The following KIAA1549L variants were observed in gnomAD, a reference collection of about 807,000 sequenced individuals.
KIAA1549L encodes the protein UPF0606 protein KIAA1549L.
Under a neutral mutation model 160.7 loss-of-function variants are expected in KIAA1549L, and 88 were observed. That is an observed-to-expected ratio of 0.55 (90% CI 0.46 to 0.65). The LOEUF (loss-of-function observed/expected upper bound fraction) is 0.65, where lower values mean the gene tolerates loss of function less well. Ranked by LOEUF, KIAA1549L falls within the 30% of genes least tolerant of loss-of-function variation. The pLI, the probability that KIAA1549L is intolerant of heterozygous loss-of-function variation, is 0.00. For synonymous variants in KIAA1549L, 950 were observed against 976.7 expected (o/e 0.97, Z 0.51); for missense variants, 2,258 against 2,437.5 (o/e 0.93, Z 1.55).
intron 1 of KIAA1549L, among the ~76,000 whole-genome samples, chr11:33,535,543 G>A (rs763943306): frequency 7.9e-5 from 12 of 152,128 alleles, no homozygotes; most frequent in Non-Finnish European, 1.2e-4. Flanking sequence ...TTGGTGGTGC[G>A]TGCCTGTCGT....
intron 20 of KIAA1549L, chr11:33,665,152 G>C (rs940524050): frequency 6.6e-5 from 10 of 152,316 alleles, no homozygotes; most frequent in African/African-American, 2.4e-4. Flanking sequence ...TGTGGCCGGT[G>C]GTGCTTTTGC....
intron 3 of KIAA1549L, among the ~76,000 whole-genome samples, chr11:33,545,707 C>T (rs896296866): frequency 1.3e-5 from 2 of 152,182 alleles, no homozygotes; most frequent in East Asian, 3.8e-4. Context: ...GAGAGAGGGC[C>T]TGATGTGGCA....
chr11:33,411,687 C>A (rs1367544535), intron 1 of KIAA1549L, among the ~76,000 whole-genome samples: 1 of 152,174 alleles, frequency 6.6e-6, no homozygotes, highest in East Asian at 1.9e-4. Flanking sequence ...TTGATGTAGT[C>A]TTTCTTTGAA....
intron 1 of KIAA1549L, among the ~76,000 whole-genome samples, chr11:33,541,082 G>A (rs543009790): frequency 3.3e-5 from 5 of 152,286 alleles, no homozygotes; most frequent in South Asian, 2.1e-4. Flanking sequence ...CCTTTTTAGC[G>A]GAGGTCACCA....
At chr11:33,453,168 A>G (rs921767106) in intron 1 of KIAA1549L, among the ~76,000 whole-genome samples, 1 of 152,228 alleles carries the variant, frequency 6.6e-6, no homozygotes, top group African/African-American at 2.4e-5. Flanking sequence ...GGATGAAGAA[A>G]ACAAGACACT....
chr11:33,542,713 G>A lies in KIAA1549L; in HGVS notation c.1150G>A (p.Ala384Thr), dbSNP rs747486613. The A allele has an allele frequency of 5.6e-6, 9 of 1,613,976 alleles. No homozygotes were observed. The highest frequency in any genetic ancestry group is 3.3e-5 in the Admixed American group (2 of 60,030). ...WSMLEVASGP[A>T]STQQIKAGVP... ...AATGTTGGAAGTGGCTTCAGGTCCT[G>A]CATCCACCCAGCAGATCAAAGCTGG... Residue 384 changes from alanine (A) to threonine (T), a missense_variant, in exon 2 of 21, where the codon GCA (alanine) becomes ACA (threonine). This residue lies in a region of KIAA1549L where 540 missense variants were observed against 465.7 expected (regional missense o/e 1.16). Coordinates refer to ENST00000658780, the MANE Select transcript of KIAA1549L (RefSeq NM_012194.3).
At chr11:33,388,219 A>G (rs752386161) in intron 1 of KIAA1549L, among the ~76,000 whole-genome samples, 3 of 152,220 alleles carry the variant, frequency 2.0e-5, no homozygotes, top group African/African-American at 7.2e-5. Context: ...GAAAGTTACA[A>G]TCATGGCAGA....
intron 1 of KIAA1549L, among the ~76,000 whole-genome samples, chr11:33,384,072 T>G (rs949015490): frequency 6.6e-6 from 1 of 152,150 alleles, no homozygotes; most frequent in Admixed American, 6.5e-5. Flanking sequence ...ACCACCACAA[T>G]CCAGATACAG....
intron 1 of KIAA1549L, among the ~76,000 whole-genome samples, chr11:33,420,402 T>G (rs1590232382): frequency 6.6e-6 from 1 of 151,970 alleles, no homozygotes; most frequent in Non-Finnish European, 1.5e-5. Flanking sequence ...ATTATTTTTA[T>G]TTTTTGCAGA....
intron 1 of KIAA1549L, among the ~76,000 whole-genome samples, chr11:33,464,195 C>T (rs1851997214): frequency 6.6e-6 from 1 of 152,152 alleles, no homozygotes; most frequent in Non-Finnish European, 1.5e-5. Context: ...AGCCTGGTTC[C>T]AAAGATCATA....
At chr11:33,634,674 T>C (rs1441479863) in intron 16 of KIAA1549L, among the ~76,000 whole-genome samples, 1 of 152,218 alleles carries the variant, frequency 6.6e-6, no homozygotes, top group African/African-American at 2.4e-5. Flanking sequence ...TGAGTAATGC[T>C]GAGAGCATTG....
intron 1 of KIAA1549L, among the ~76,000 whole-genome samples, chr11:33,477,505 A>ACACGCG (rs1565152307): frequency 7.0e-6 from 1 of 143,104 alleles, no homozygotes; most frequent in African/African-American, 2.8e-5. Flanking sequence ...ACGCAGGTGC[A>ACACGCG]CGCACACACA....
intron 1 of KIAA1549L, among the ~76,000 whole-genome samples, chr11:33,399,434 A>C (rs568642809): frequency 6.6e-6 from 1 of 152,198 alleles, no homozygotes; most frequent in Non-Finnish European, 1.5e-5. Flanking sequence ...GTGGTGGTAT[A>C]TGCAGTTTTT....
rs529356805 is a variant in KIAA1549L, at chr11:33,439,852, C to T, written c.238+62963C>T. The stretch of plus-strand genomic sequence containing the variant: ...GGTATTTTCCGGGTATGTCTTTCCT[C>T]ATCCTTTTACTTCCAACTTTTTGAT... On this transcript the variant is annotated intron_variant, in intron 1 of 20. Coordinates refer to ENST00000658780, the MANE Select transcript of KIAA1549L (RefSeq NM_012194.3). Among the ~76,000 whole-genome samples the T allele has an allele frequency of 2.6e-5, 4 of 152,112 alleles. No homozygotes were observed. The South Asian group carries it at 8.3e-4, about 32-fold the overall frequency.
chr11:33,396,403 A>G (rs1173382776), intron 1 of KIAA1549L, among the ~76,000 whole-genome samples: 1 of 152,222 alleles, frequency 6.6e-6, no homozygotes. Flanking sequence ...GATTACTACA[A>G]TATTTACAGA....
intron 1 of KIAA1549L, among the ~76,000 whole-genome samples, chr11:33,534,072 T>G (rs1195003884): frequency 6.6e-6 from 1 of 152,140 alleles, no homozygotes; most frequent in Non-Finnish European, 1.5e-5. Context: ...CCCTCTCATA[T>G]GTGTAGGATT....
rs553684220 is a variant in KIAA1549L at position 33,645,867 on chromosome 11, C to T, written c.5591C>T (p.Ala1864Val). 2.1e-5 allele frequency: 34 copies of T among 1,613,872 alleles called. No homozygotes were observed. The highest frequency in any genetic ancestry group is 1.6e-4 in the Middle Eastern group (1 of 6,062). Reference protein sequence around the residue: ...LLEEAFSLASAGHAGQSRHQE... With the variant: ...LLEEAFSLASVGHAGQSRHQE... ...GAGGAGGCCTTCAGCCTGGCATCCG[C>T]GGGCCACGCAGGCCAGAGCCGGCAC... The change falls in exon 17 of 21, where the codon GCG (alanine) becomes GTG (valine). Residue 1864 changes from alanine (A) to valine (V), a missense_variant. This residue lies in a region of KIAA1549L where 1,359 missense variants were observed against 1,546.6 expected (regional missense o/e 0.88). Coordinates refer to ENST00000658780, the MANE Select transcript of KIAA1549L (RefSeq NM_012194.3).
chr11:33,568,222 G>A lies in KIAA1549L; in HGVS notation c.4225G>A (p.Val1409Met), dbSNP rs766317820. 1 of 1,612,604 alleles carries A rather than the reference G, an allele frequency of 6.2e-7. No individual in the cohort carries two copies. The highest frequency in any genetic ancestry group is 8.5e-7 in the Non-Finnish European group (1 of 1,179,214). ...GGCCACCACCCTGGGAAGCTACACTGTGCAGGTAGGTGTATACAGAGCCAC... is the reference window on the plus strand; with the variant it reads ...GGCCACCACCCTGGGAAGCTACACTATGCAGGTAGGTGTATACAGAGCCAC... ...KRATTLGSYT[V>M]QMVKMQRVPG... Residue 1409 changes from valine to methionine, a missense_variant, in exon 9 of 21, where the codon GTG becomes ATG. By Grantham distance (21) the Val-to-Met change is conservative. Around this residue, in one of 6 missense-constraint regions of KIAA1549L, gnomAD observed 1,359 missense variants for 1,546.6 expected, o/e 0.88. Coordinates refer to ENST00000658780, the MANE Select transcript of KIAA1549L (RefSeq NM_012194.3).
intron 17 of KIAA1549L, among the ~76,000 whole-genome samples, chr11:33,649,343 GAAAA>G (rs545884059): frequency 3.9e-5 from 4 of 102,768 alleles, no homozygotes; most frequent in Non-Finnish European, 5.6e-5. Context: ...CTCTACGGGG[GAAAA>G]AAAAAAAAAA....
Sources: gnomAD v4.1 joint callset for allele counts (sites outside exome capture counted in the v4.1 genomes callset) on GRCh38, gnomAD v4.1.1 for gene constraint, gnomAD v4.1.1 regional missense constraint, MANE v1.5 for transcripts, NCBI Gene and HGNC (gene_info 2026-07-23, HGNC 2026-07-21) for gene names.